WDR88: variants seen among roughly 807,000 people sequenced by gnomAD.
WDR88 encodes WD repeat domain 88.
In WDR88, 40 loss-of-function variants were observed where a neutral mutation model predicts 46.8. The observed-to-expected ratio is 0.86, with a 90% CI of 0.66 to 1.11. The LOEUF is 1.11. WDR88 is among the 50% of genes most tolerant of loss of function. The pLI is 0.00. For missense variants in WDR88, 562 were observed against 602.4 expected (o/e 0.93, Z 0.70); for synonymous variants, 235 against 240.7 (o/e 0.98, Z 0.22).
At chr19:33,147,920 TG>T (rs1192628656) in intron 4 of WDR88, among the ~76,000 whole-genome samples, 1 of 151,246 alleles carries the variant, frequency 6.6e-6, no homozygotes, top group Non-Finnish European at 1.5e-5. Flanking sequence ...GGGTGGGCAC[TG>T]GGGGAGGAAG....
At chr19:33,141,262 C>T (rs1599883175) in intron 2 of WDR88, among the ~76,000 whole-genome samples, 1 of 121,156 alleles carries the variant, frequency 8.3e-6, no homozygotes, top group Non-Finnish European at 1.6e-5. Context: ...CAGGATCTCA[C>T]TCTGTTGCCC....
intron 9 of WDR88, among the ~76,000 whole-genome samples, chr19:33,170,003 G>A (rs1439084739): frequency 2.0e-5 from 3 of 151,938 alleles, no homozygotes; most frequent in East Asian, 1.9e-4. Context: ...TCAGCCTCCC[G>A]AGTAGCTGGG....
intron 8 of WDR88, among the ~76,000 whole-genome samples, chr19:33,162,725 T>G (rs1385078139): frequency 2.0e-5 from 3 of 152,062 alleles, no homozygotes; most frequent in Non-Finnish European, 4.4e-5. Flanking sequence ...CCGAGTACTA[T>G]TTTAAAAAAC....
At chr19:33,174,281 C>A (rs956046277) in intron 10 of WDR88, 18 of 1,533,886 alleles carry the variant, frequency 1.2e-5, no homozygotes, top group Middle Eastern at 1.7e-4. Context: ...CCAGGCTTCC[C>A]CGAGGCCTGC....
chr19:33,136,434 G>A (rs1214294374), intron 1 of WDR88, among the ~76,000 whole-genome samples: 2 of 150,414 alleles, frequency 1.3e-5, no homozygotes, highest in Non-Finnish European at 3.0e-5. Flanking sequence ...CAGGTGATCC[G>A]CCTGCCTCGG....
intron 8 of WDR88, among the ~76,000 whole-genome samples, chr19:33,162,228 T>C (rs975478262): frequency 6.6e-6 from 1 of 151,554 alleles, no homozygotes; most frequent in Non-Finnish European, 1.5e-5. Context: ...GAGACGGGAG[T>C]CTCGCTCTGT....
chr19:33,135,809 G>A (rs1006446442), intron 1 of WDR88, among the ~76,000 whole-genome samples: 1 of 152,200 alleles, frequency 6.6e-6, no homozygotes, highest in African/African-American at 2.4e-5. Flanking sequence ...GCCAACACTT[G>A]TTATGGGACT....
intron 9 of WDR88, 41 bp downstream of exon 9, chr19:33,164,306 G>C: frequency 6.3e-7 from 1 of 1,579,148 alleles, no homozygotes; most frequent in Non-Finnish European, 8.7e-7. Context: ...ACGTTCGCCA[G>C]GATTGGTGAT....
At chr19:33,136,056 A>ATT (rs34431041) in intron 1 of WDR88, among the ~76,000 whole-genome samples, 8 of 136,124 alleles carry the variant, frequency 5.9e-5, no homozygotes, top group African/African-American at 1.6e-4. Context: ...CACTCGGCTA[A>ATT]TTTTTTTTTT....
chr19:33,174,724 G>A (rs756567123), intron 10 of WDR88: 6 of 985,264 alleles, frequency 6.1e-6, no homozygotes, highest in South Asian at 4.7e-5. Context: ...AATTTTACTC[G>A]GCACAGAACA....
intron 3 of WDR88, 24 bp downstream of exon 3, chr19:33,144,956 T>C (rs888816488): frequency 6.2e-7 from 1 of 1,605,592 alleles, no homozygotes; most frequent in African/African-American, 1.3e-5. Flanking sequence ...CGTCTTACAC[T>C]GGGAAGAGGG....
At chr19:33,140,075 C>T (rs1973358804) in intron 2 of WDR88, among the ~76,000 whole-genome samples, 1 of 152,174 alleles carries the variant, frequency 6.6e-6, no homozygotes, top group South Asian at 2.1e-4. Context: ...AGCCCAGAGC[C>T]TCAAGATCTT....
chr19:33,137,590 G>T (rs1973299740), intron 1 of WDR88, 87 bp from the exon 2 acceptor site: 1 of 1,222,834 alleles, frequency 8.2e-7, no homozygotes, highest in East Asian at 2.4e-5. Context: ...GTGGTTTATT[G>T]CAAGTGTTTA....
intron 1 of WDR88, among the ~76,000 whole-genome samples, chr19:33,134,110 TC>T (rs1173713772): frequency 2.0e-5 from 3 of 152,206 alleles, no homozygotes; most frequent in Admixed American, 2.0e-4. Context: ...ATGAGCTTTG[TC>T]AGCACCTCTG....
chr19:33,138,687 C>CTTT (rs1218123445), intron 2 of WDR88, among the ~76,000 whole-genome samples: 1 of 67,634 alleles, frequency 1.5e-5, no homozygotes. Flanking sequence ...CTTTTCTTTT[C>CTTT]TTTTTTTTTT....
At chr19:33,174,217 A>G in intron 10 of WDR88, 1 of 1,536,536 alleles carries the variant, frequency 6.5e-7, no homozygotes. Context: ...TGAAGCAAGG[A>G]TGAGCCTGCT....
At chr19:33,166,512 G>A (rs936743599) in intron 9 of WDR88, among the ~76,000 whole-genome samples, 1 of 152,080 alleles carries the variant, frequency 6.6e-6, no homozygotes, top group Non-Finnish European at 1.5e-5. Context: ...TGGGAGGAAT[G>A]CTTGAGCTTA....
chr19:33,152,703 G>A (rs550653886), intron 6 of WDR88, among the ~76,000 whole-genome samples: 1 of 152,196 alleles, frequency 6.6e-6, no homozygotes, highest in South Asian at 2.1e-4. Flanking sequence ...CTGGGTTCAA[G>A]TGATTCTCCT....
intron 2 of WDR88, among the ~76,000 whole-genome samples, chr19:33,142,214 G>A (rs1253137463): frequency 6.6e-6 from 1 of 152,072 alleles, no homozygotes; most frequent in Admixed American, 6.6e-5. Flanking sequence ...CAGCAGGGGG[G>A]GACGAAGATG....
Sources: allele counts gnomAD v4.1 joint callset (sites outside exome capture counted in the v4.1 genomes callset), GRCh38; gene constraint gnomAD v4.1.1; transcripts MANE v1.5; gene names NCBI Gene and HGNC (gene_info 2026-07-23, HGNC 2026-07-21).